Variants in BNC2 observed in about 807,000 individuals in gnomAD.
The protein encoded by BNC2 is zinc finger protein basonuclin-2.
BNC2 carries 20 observed loss-of-function variants against 76.3 expected under a neutral mutation model. That is an observed-to-expected ratio of 0.26 (90% CI 0.18 to 0.38). BNC2 has a LOEUF of 0.38. Among genes scored for constraint, BNC2 ranks in the 10% least tolerant of loss-of-function variants. The probability of loss-of-function intolerance (pLI) is 1.00; values close to 1 mark genes in which losing one functional copy is unlikely to be tolerated. For missense variants in BNC2, 1,382 were observed against 1,399.8 expected, an observed-to-expected ratio of 0.99 and a Z score of 0.20; for synonymous variants, 582 against 514.8, an observed-to-expected ratio of 1.13 and a Z score of -1.77.
chr9:16,855,123 T>C (rs563401900), intron 1 of BNC2, among the ~76,000 whole-genome samples: 3 of 151,256 alleles, frequency 2.0e-5, no homozygotes, highest in Admixed American at 1.3e-4. Context: ...GATACATACA[T>C]GTTCACATGG....
intron 1 of BNC2, among the ~76,000 whole-genome samples, chr9:16,755,563 T>C (rs1825361152): frequency 6.6e-6 from 1 of 152,084 alleles, no homozygotes; most frequent in South Asian, 2.1e-4. Context: ...CATCCCACCG[T>C]TCCATGTCCC....
At chr9:16,431,423 G>A (rs762623465) in intron 6 of BNC2, 20 of 467,892 alleles carry the variant, frequency 4.3e-5, no homozygotes, top group African/African-American at 2.2e-4. Context: ...TGACTATCAC[G>A]CTCTCTTCAA....
intron 5 of BNC2, among the ~76,000 whole-genome samples, chr9:16,490,667 T>A (rs906651486): frequency 3.3e-5 from 5 of 152,216 alleles, no homozygotes; most frequent in Non-Finnish European, 7.3e-5. Context: ...GTGATTCTTA[T>A]GTTTCCTCAA....
intron 3 of BNC2, among the ~76,000 whole-genome samples, chr9:16,585,013 A>C (rs1819730171): frequency 6.6e-6 from 1 of 152,142 alleles, no homozygotes; most frequent in Non-Finnish European, 1.5e-5. Context: ...AGGGCCAATA[A>C]AATGAGATGG....
At chr9:16,623,194 G>A (rs537069435) in intron 3 of BNC2, among the ~76,000 whole-genome samples, 65 of 152,136 alleles carry the variant, frequency 4.3e-4, no homozygotes, top group Middle Eastern at 6.8e-3. Context: ...CTTTATGGAC[G>A]TATTCCAGTA....
intron 1 of BNC2, among the ~76,000 whole-genome samples, chr9:16,839,062 A>G (rs1384801687): frequency 6.6e-6 from 1 of 152,230 alleles, no homozygotes; most frequent in Non-Finnish European, 1.5e-5. Context: ...TCCTCCTTGC[A>G]GAAAGAGCTG....
At chr9:16,428,933 T>C (rs80297612) in intron 6 of BNC2, among the ~76,000 whole-genome samples, 1,538 of 152,244 alleles carry the variant, frequency 0.01, 23 homozygotes, top group African/African-American at 0.035. Context: ...TGAAGAAAAA[T>C]TGTCCTTTCC....
At chr9:16,719,403 TTA>T (rs1824081872) in intron 3 of BNC2, among the ~76,000 whole-genome samples, 1 of 152,206 alleles carries the variant, frequency 6.6e-6, no homozygotes, top group African/African-American at 2.4e-5. Context: ...AGTTTTGTTA[TTA>T]TTTTAAGCCA....
intron 3 of BNC2, among the ~76,000 whole-genome samples, chr9:16,685,345 A>G (rs552184412): frequency 6.6e-6 from 1 of 152,334 alleles, no homozygotes; most frequent in South Asian, 2.1e-4. Flanking sequence ...ATATGTCTTG[A>G]CTGAACAGAC....
intron 1 of BNC2, among the ~76,000 whole-genome samples, chr9:16,831,792 T>G (rs1189834276): frequency 6.6e-6 from 1 of 152,202 alleles, no homozygotes; most frequent in African/African-American, 2.4e-5. Flanking sequence ...CACCAACTTT[T>G]CTTAGACAAT....
chr9:16,551,355 C>A (rs1818657115), intron 5 of BNC2, among the ~76,000 whole-genome samples: 1 of 152,098 alleles, frequency 6.6e-6, no homozygotes, highest in Non-Finnish European at 1.5e-5. Context: ...AGGTACCACA[C>A]AGGAAAATGA....
chr9:16,459,397 C>T (rs920203058), intron 5 of BNC2, among the ~76,000 whole-genome samples: 11 of 152,094 alleles, frequency 7.2e-5, no homozygotes, highest in African/African-American at 2.7e-4. Context: ...CATTTGTTTT[C>T]TGTGTCTTTA....
intron 3 of BNC2, among the ~76,000 whole-genome samples, chr9:16,700,470 C>T (rs1219727391): frequency 2.0e-5 from 3 of 152,054 alleles, no homozygotes; most frequent in Non-Finnish European, 4.4e-5. Context: ...ATGATCACAC[C>T]ACTGCACTCC....
intron 5 of BNC2, among the ~76,000 whole-genome samples, chr9:16,527,758 G>A (rs1817854915): frequency 6.6e-6 from 1 of 152,194 alleles, no homozygotes. Flanking sequence ...TTACACGGAT[G>A]CCACAAACTG....
intron 3 of BNC2, among the ~76,000 whole-genome samples, chr9:16,600,006 C>G (rs564744741): frequency 6.6e-6 from 1 of 152,272 alleles, no homozygotes; most frequent in East Asian, 1.9e-4. Flanking sequence ...AACGGTTTTA[C>G]TGTATCACTC....
At chr9:16,527,667 T>C (rs1817850632) in intron 5 of BNC2, among the ~76,000 whole-genome samples, 1 of 152,180 alleles carries the variant, frequency 6.6e-6, no homozygotes, top group African/African-American at 2.4e-5. Flanking sequence ...TGGTGACAGG[T>C]ACACTACCTG....
chr9:16,719,691 G>A (rs1824092080), intron 3 of BNC2, among the ~76,000 whole-genome samples: 9 of 152,102 alleles, frequency 5.9e-5, no homozygotes, highest in Admixed American at 5.9e-4. Context: ...TGAGACAATG[G>A]GTTAAAATTT....
At chr9:16,453,037 C>A (rs1372382384) in intron 5 of BNC2, among the ~76,000 whole-genome samples, 1 of 152,158 alleles carries the variant, frequency 6.6e-6, no homozygotes, top group East Asian at 1.9e-4. Context: ...TTAAACAATG[C>A]AGTCTGTGCC....
chr9:16,549,845 T>A (rs918468391), intron 5 of BNC2, among the ~76,000 whole-genome samples: 2 of 152,108 alleles, frequency 1.3e-5, no homozygotes, highest in African/African-American at 2.4e-5. Flanking sequence ...AAATAAAATC[T>A]ATATTACATC....
Sources: gnomAD v4.1 joint callset for allele counts (sites outside exome capture counted in the v4.1 genomes callset) on GRCh38, gnomAD v4.1.1 for gene constraint, MANE v1.5 for transcripts, NCBI Gene and HGNC (gene_info 2026-07-23, HGNC 2026-07-21) for gene names.